The following PCDHGB1 variants were observed in gnomAD, a reference collection of about 807,000 sequenced individuals.
PCDHGB1 encodes protocadherin gamma subfamily B, 1.
Under a neutral mutation model 56.6 loss-of-function variants are expected in PCDHGB1, and 34 were observed. The observed-to-expected ratio is 0.60, with a 90% CI of 0.46 to 0.80. PCDHGB1 has a LOEUF of 0.80. PCDHGB1 is among the 30% of genes least tolerant of loss of function. The pLI is 0.00. For synonymous variants in PCDHGB1, 561 were observed against 505.9 expected (o/e 1.11, Z -1.46); for missense variants, 1,278 against 1,204.6 (o/e 1.06, Z -0.90).
At chr5:141,375,305 G>A in intron 1 of PCDHGB1, 1 of 1,613,812 alleles carries the variant, frequency 6.2e-7, no homozygotes, top group African/African-American at 1.3e-5. Context: ...AGTGACAAAT[G>A]CAGCTCTAGA....
chr5:141,420,769 C>T (rs2096524721), intron 1 of PCDHGB1, among the ~76,000 whole-genome samples: 1 of 152,212 alleles, frequency 6.6e-6, no homozygotes, highest in Admixed American at 6.5e-5. Flanking sequence ...AAGTTTTCAG[C>T]TCCAGTAATA....
At chr5:141,358,557 C>T (rs1760945843) in intron 1 of PCDHGB1, among the ~76,000 whole-genome samples, 1 of 152,182 alleles carries the variant, frequency 6.6e-6, no homozygotes, top group Non-Finnish European at 1.5e-5. Context: ...TTCTGAGATG[C>T]ACCAGAAGTG....
In PCDHGB1 at chr5:141,350,622, A is replaced by G; in HGVS notation, c.362A>G (p.Gln121Arg). 41 of 1,614,094 alleles carry G rather than the reference A, an allele frequency of 2.5e-5. No homozygotes were observed. Among genetic ancestry groups the G allele is most frequent in the Non-Finnish European group, 3.5e-5 (41 of 1,179,908 alleles). ...MNVFHVVVVI[Q>R]DINDNAPRFV... ...GTTTTCCACGTGGTTGTTGTAATCC[A>G]AGATATTAATGACAATGCACCACGT... Residue 121 changes from glutamine (Q) to arginine (R), a missense_variant, in exon 1 of 4, where the codon CAA becomes CGA. Gln to Arg is a conservative substitution (Grantham distance 43). Coordinates refer to ENST00000523390, the MANE Select transcript of PCDHGB1 (RefSeq NM_018922.3).
At position 141,486,169 on chromosome 5, in the gene PCDHGB1, A is replaced by G. The variant is rs2099625537; in HGVS notation, c.2410-8638A>G. The G allele has an allele frequency of 1.2e-6, 2 of 1,614,088 alleles. No individual in the cohort carries two copies. Among genetic ancestry groups the G allele is most frequent in the East Asian group, 2.2e-5 (1 of 44,890 alleles). On this transcript the variant is annotated intron_variant, in intron 1 of 3. Transcript: ENST00000523390. The surrounding 1 kb of genome is among the most constrained non-coding windows in gnomAD (Gnocchi z 5.0). ...ATGGGGGTTCTCCAGCCATGGAGCA[A>G]CATTGCAGCCTTCGAGTGGATCTGC...
At position 141,386,158 on chromosome 5, in the gene PCDHGB1, A is replaced by G. The variant is rs530436705; in HGVS notation, c.2409+33489A>G. ...TGGCTTTGTTTCAACTGTCTCACGTACTCAAACCTTAGACCATCTTATGTA... is the reference window on the plus strand; with the variant it reads ...TGGCTTTGTTTCAACTGTCTCACGTGCTCAAACCTTAGACCATCTTATGTA... On this transcript the variant is annotated intron_variant, in intron 1 of 3. Coordinates refer to ENST00000523390, the MANE Select transcript of PCDHGB1 (RefSeq NM_018922.3). Among the ~76,000 whole-genome samples, 24 of 152,284 alleles carry G rather than the reference A, an allele frequency of 1.6e-4. No individual in the cohort carries two copies. In the East Asian group the frequency reaches 4.6e-3, roughly 29 times the overall value.
rs747671382 is a variant in PCDHGB1, at chr5:141,444,152, A to ATTTT, written c.2410-50622_2410-50619dup. Among the ~76,000 whole-genome samples the ATTTT allele has an allele frequency of 5.0e-4, 17 of 33,898 alleles. 5 individuals carry two copies. Among genetic ancestry groups the ATTTT allele is most frequent in the African/African-American group, 7.0e-4 (5 of 7,184 alleles). 22.2% of individuals were successfully genotyped at this position (33,898 alleles called of 152,430 possible). ...GATATGTGTCACTTGTGTGTACTGG[A>ATTTT]TTTTTTTTTTTTTTTTTTTTTTTTT... On this transcript the variant is annotated intron_variant, in intron 1 of 3. Transcript: ENST00000523390.
chr5:141,432,452 C>G lies in PCDHGB1; in HGVS notation c.2410-62355C>G. The G allele has an allele frequency of 6.2e-7, 1 of 1,614,212 alleles. No individual in the cohort carries two copies. The highest frequency in any genetic ancestry group is 8.5e-7 in the Non-Finnish European group (1 of 1,180,042). On this transcript the variant is annotated intron_variant, in intron 1 of 3. Coordinates refer to ENST00000523390, the MANE Select transcript of PCDHGB1 (RefSeq NM_018922.3). The surrounding 1 kb of genome is among the most constrained non-coding windows in gnomAD (Gnocchi z 6.0). ...CGACAATGCGCCCGAGATCCTGTACCCCGCCCTCCCCACGGACGGTTCCAC... is the reference window on the plus strand; with the variant it reads ...CGACAATGCGCCCGAGATCCTGTACGCCGCCCTCCCCACGGACGGTTCCAC...
chr5:141,510,853 CTGT>C, intron 3 of PCDHGB1, 91 bp from the exon 4 acceptor site: 3 of 1,601,238 alleles, frequency 1.9e-6, no homozygotes, highest in Middle Eastern at 1.7e-4. Context: ...GCCCAGGGTG[CTGT>C]ATAGGCATTC....
chr5:141,415,584 T>C lies in PCDHGB1; in HGVS notation c.2409+62915T>C, dbSNP rs763238799. 7.4e-6 allele frequency: 12 copies of C among 1,614,012 alleles called. No individual in the cohort carries two copies. In the South Asian group the frequency reaches 1.3e-4, roughly 18 times the overall value. ...TGTCTTTGTTAGATGATTCGAAGTT[T>C]CCTATAGAGGATACCCCATTGGTTC... On this transcript the variant is annotated intron_variant, in intron 1 of 3. Coordinates refer to ENST00000523390, the MANE Select transcript of PCDHGB1 (RefSeq NM_018922.3).
Position 141,486,989 on chromosome 5 carries a change from G to A in PCDHGB1, c.2410-7818G>A. 1.9e-6 allele frequency: 3 copies of A among 1,614,168 alleles called. No individual in the cohort carries two copies. Among genetic ancestry groups the A allele is most frequent in the Non-Finnish European group, 2.5e-6 (3 of 1,180,034 alleles). On this transcript the variant is annotated intron_variant, in intron 1 of 3. Transcript: ENST00000523390. This position sits in a 1 kb window ranked among gnomAD's most constrained non-coding sequence, Gnocchi z 5.0. ...CTTGGATTCAGGTTACAATGCTTGG[G>A]TTTCCTATCAGCTCCTGGAGGCCCC...
chr5:141,453,540 A>G (rs890130466), intron 1 of PCDHGB1, among the ~76,000 whole-genome samples: 2 of 152,058 alleles, frequency 1.3e-5, no homozygotes, highest in Non-Finnish European at 2.9e-5. Context: ...CCTCATTCAC[A>G]CCACACTCTG....
intron 1 of PCDHGB1, chr5:141,408,721 C>T (rs994778084): frequency 6.2e-7 from 1 of 1,611,372 alleles, no homozygotes; most frequent in Non-Finnish European, 8.5e-7. Flanking sequence ...ATAAGATAAA[C>T]TCTAATCCTT....
At chr5:141,357,948 G>C (rs191828282) in intron 1 of PCDHGB1, among the ~76,000 whole-genome samples, 21 of 152,264 alleles carry the variant, frequency 1.4e-4, no homozygotes, top group African/African-American at 4.3e-4. Context: ...CTAACACTTT[G>C]GGAGTGTGAG....
rs755499740 is a variant in PCDHGB1 at position 141,389,751 on chromosome 5, G to C, written c.2409+37082G>C. 1.9e-6 allele frequency: 3 copies of C among 1,612,800 alleles called. No individual in the cohort carries two copies. The highest frequency in any genetic ancestry group is 1.1e-5 in the South Asian group (1 of 91,032). ...CTTCAGCCTGGGGCTGCGCACGGGC[G>C]AAGTGCGCACAGCGCGTGCCTTAGG... On this transcript the variant is annotated intron_variant, in intron 1 of 3. Coordinates refer to ENST00000523390, the MANE Select transcript of PCDHGB1 (RefSeq NM_018922.3).
intron 1 of PCDHGB1, among the ~76,000 whole-genome samples, chr5:141,446,746 C>T (rs1413869259): frequency 6.6e-6 from 1 of 152,170 alleles, no homozygotes; most frequent in Non-Finnish European, 1.5e-5. Context: ...GGATTACAGG[C>T]GTGAGCCACC....
intron 1 of PCDHGB1, chr5:141,371,355 G>A (rs369960328): frequency 1.2e-6 from 2 of 1,613,974 alleles, no homozygotes; most frequent in Non-Finnish European, 8.5e-7. Context: ...TGGGGTGGAA[G>A]CAAAGGATGG....
Position 141,486,632 on chromosome 5 carries a change from A to G in PCDHGB1, c.2410-8175A>G, listed in dbSNP as rs1304397413. The G allele has an allele frequency of 6.2e-7, 1 of 1,613,580 alleles. No individual in the cohort carries two copies. Among genetic ancestry groups the G allele is most frequent in the Non-Finnish European group, 8.5e-7 (1 of 1,180,040 alleles). ...AGCCTCTGACCCAGACTCTGGCTTG[A>G]ATGCGCTTATCTCCTACTCACTCCT... On this transcript the variant is annotated intron_variant, in intron 1 of 3. Coordinates refer to ENST00000523390, the MANE Select transcript of PCDHGB1 (RefSeq NM_018922.3). This position sits in a 1 kb window ranked among gnomAD's most constrained non-coding sequence, Gnocchi z 5.0.
At chr5:141,508,906 G>A (rs2099872897) in intron 3 of PCDHGB1, among the ~76,000 whole-genome samples, 1 of 152,092 alleles carries the variant, frequency 6.6e-6, no homozygotes, top group Non-Finnish European at 1.5e-5. Context: ...CGGGGCGGTG[G>A]CGGATCTGGC....
At position 141,476,613 on chromosome 5, in the gene PCDHGB1, G is replaced by A; in HGVS notation, c.2410-18194G>A. On this transcript the variant is annotated intron_variant, in intron 1 of 3. Coordinates refer to ENST00000523390, the MANE Select transcript of PCDHGB1 (RefSeq NM_018922.3). This position sits in a 1 kb window ranked among gnomAD's most constrained non-coding sequence, Gnocchi z 7.6. ...AGCGCGCACGATCCCGATGTGGGAA[G>A]CAACTCTTTACAAACCTATGAGCTG... is the stretch of plus-strand genomic sequence containing the variant. 1 of 1,614,266 alleles carries A rather than the reference G, an allele frequency of 6.2e-7. No homozygotes were observed. The highest frequency in any genetic ancestry group is 1.3e-5 in the African/African-American group (1 of 75,078).
Sources: gnomAD v4.1 joint callset for allele counts (sites outside exome capture counted in the v4.1 genomes callset) on GRCh38, gnomAD v4.1.1 for gene constraint, Gnocchi (gnomAD v3.1) non-coding constraint, MANE v1.5 for transcripts, NCBI Gene and HGNC (gene_info 2026-07-23, HGNC 2026-07-21) for gene names.